Variants in KIAA0753 observed in about 807,000 individuals in gnomAD.
KIAA0753 encodes KIAA0753.
Under a neutral mutation model 116.9 loss-of-function variants are expected in KIAA0753, and 114 were observed. The observed-to-expected ratio is 0.98, with a 90% CI of 0.84 to 1.14. KIAA0753 has a LOEUF of 1.14. Among genes scored for constraint, KIAA0753 ranks in the 50% most tolerant of loss-of-function variants. The pLI is 0.00. For synonymous variants in KIAA0753, 405 were observed against 413.1 expected (o/e 0.98, Z 0.24); for missense variants, 1,156 against 1,172.4 (o/e 0.99, Z 0.20).
At chr17:6,624,444 A>T (rs1567580736) in intron 4 of KIAA0753, among the ~76,000 whole-genome samples, 1 of 151,964 alleles carries the variant, frequency 6.6e-6, no homozygotes, top group Non-Finnish European at 1.5e-5. Context: ...TATAATGTAT[A>T]AGCATCTTGG....
chr17:6,586,137 C>T (rs113700510), intron 18 of KIAA0753, among the ~76,000 whole-genome samples: 3,262 of 152,172 alleles, frequency 0.021, 109 homozygotes, highest in African/African-American at 0.073. Context: ...CCACCCCTTG[C>T]TTGCTCCTTC....
chr17:6,611,455 C>T (rs1970539739), intron 8 of KIAA0753, among the ~76,000 whole-genome samples: 1 of 152,002 alleles, frequency 6.6e-6, no homozygotes, highest in African/African-American at 2.4e-5. Flanking sequence ...CATGAGTTAC[C>T]ACATCTGGCT....
intron 3 of KIAA0753, among the ~76,000 whole-genome samples, chr17:6,625,644 G>A (rs180680917): frequency 1.3e-5 from 2 of 151,334 alleles, no homozygotes; most frequent in African/African-American, 4.9e-5. Flanking sequence ...TCCAGCCTGG[G>A]TGACAAAATG....
At position 6,599,280 on chromosome 17, in the gene KIAA0753, T is replaced by G. The variant is rs1178753904; in HGVS notation, c.2129A>C (p.Asp710Ala). Residue 710 changes from aspartate (D) to alanine (A), a missense_variant, in exon 14 of 19, where the codon GAT (aspartate) becomes GCT (alanine). Transcript: ENST00000361413. ...TTTCGCTGTGTTTACTGACGAGCCA[T>G]CTTTCAAATGAATATTTGCTTCTGT... The part of the protein sequence containing the change: ...STTEANIHLK[D>A]GSSVNTAKAQ... 14 of 1,613,896 alleles carry G rather than the reference T, an allele frequency of 8.7e-6. No homozygotes were observed. The highest frequency in any genetic ancestry group is 1.2e-5 in the Non-Finnish European group (14 of 1,179,790).
intron 4 of KIAA0753, chr17:6,624,045 C>T (rs959663888): frequency 6.6e-6 from 1 of 152,610 alleles, no homozygotes; most frequent in Non-Finnish European, 1.5e-5. Flanking sequence ...CAAAACCTAA[C>T]TCAGGCATTT....
Position 6,620,790 on chromosome 17 carries a change from G to C in KIAA0753, c.1313C>G (p.Ala438Gly), listed in dbSNP as rs1971264519. 1 of 1,613,780 alleles carries C rather than the reference G, an allele frequency of 6.2e-7. No homozygotes were observed. The highest frequency in any genetic ancestry group is 8.5e-7 in the Non-Finnish European group (1 of 1,179,712). Residue 438 changes from alanine to glycine, a missense_variant and splice_region_variant, in exon 7 of 19, where the codon GCC becomes GGC. Physicochemically the swap from Ala to Gly is moderately conservative, Grantham distance 60. Coordinates refer to ENST00000361413, the MANE Select transcript of KIAA0753 (RefSeq NM_014804.3). Reference sequence around the variant, plus strand: ...AATAAACACTTTAAGACACATACCGGCAAGAAGCTGCTTTGCTACAGAAGG... The same window carrying C: ...AATAAACACTTTAAGACACATACCGCCAAGAAGCTGCTTTGCTACAGAAGG... The part of the protein sequence containing the change: ...SRPSVAKQLL[A>G]DKYQPDTELP...
Position 6,589,763 on chromosome 17 carries a change from G to A in KIAA0753, c.2786+16C>T, listed in dbSNP as rs769301435. 10 of 1,580,494 alleles carry A rather than the reference G, an allele frequency of 6.3e-6. No individual in the cohort carries two copies. The highest frequency in any genetic ancestry group is 2.3e-5 in the South Asian group (2 of 86,300). On this transcript the variant is annotated intron_variant, in intron 18 of 18. Transcript: ENST00000361413. ...CAATTTGGTTCCTAAACAGAGGACC[G>A]TAACATTTTACTGACCTTTCAGCTA... is the stretch of plus-strand genomic sequence containing the variant.
At position 6,639,836 on chromosome 17, in the gene KIAA0753, G is replaced by A. The variant is rs1014119349; in HGVS notation, c.-69+801C>T. ...AGGTGCAGAATGCTCTCATGGCCCA[G>A]AGATCCCGGGCGACCTTTTCTCTCG... is the stretch of plus-strand genomic sequence containing the variant. On this transcript the variant is annotated intron_variant, in intron 1 of 18. Transcript: ENST00000361413. The surrounding 1 kb of genome is among the most constrained non-coding windows in gnomAD (Gnocchi z 4.3). 2 of 152,890 alleles carry A rather than the reference G, an allele frequency of 1.3e-5. No individual in the cohort carries two copies. Among genetic ancestry groups the A allele is most frequent in the African/African-American group, 2.4e-5 (1 of 41,438 alleles). 9.5% of individuals were successfully genotyped at this position (152,890 alleles called of 1,614,324 possible). A position where few individuals can be genotyped will look rare whatever the true frequency, so the allele number is the denominator to read the frequency against.
At chr17:6,636,470 C>T (rs758249455) in intron 1 of KIAA0753, 4 of 152,184 alleles carry the variant, frequency 2.6e-5, no homozygotes, top group Non-Finnish European at 5.9e-5. Context: ...TAGGTGATCC[C>T]CACAGTTCCA....
chr17:6,601,975 A>G (rs1403661034), intron 12 of KIAA0753, among the ~76,000 whole-genome samples: 1 of 152,242 alleles, frequency 6.6e-6, no homozygotes, highest in Non-Finnish European at 1.5e-5. Context: ...AAATTCTAAT[A>G]GGCAAAAGAC....
rs2072149 is a variant in KIAA0753 at position 6,628,328 on chromosome 17, A to C, written c.507T>G (p.Ser169=). The change falls in exon 3 of 19, where the codon TCT becomes TCG. Residue 169 remains serine, a synonymous_variant. Transcript: ENST00000361413. ...HQPSKVEISS[S]GAKVYLYSSH... ...ATGAGTAAAGGTATACTTTGGCACC[A>C]GAGCTGGAGATTTCTACTTTGGATG... 2.5e-6 allele frequency: 4 copies of C among 1,613,806 alleles called. No homozygotes were observed. The African/African-American group carries it at 4.0e-5, about 16-fold the overall frequency.
intron 4 of KIAA0753, 59 bp downstream of exon 4, chr17:6,624,696 C>G: frequency 9.1e-7 from 1 of 1,096,286 alleles, no homozygotes; most frequent in South Asian, 1.3e-5. Context: ...AAAACAGAAA[C>G]TCTCTAAGGA....
At chr17:6,588,802 T>C (rs1258738964) in intron 18 of KIAA0753, among the ~76,000 whole-genome samples, 2 of 152,096 alleles carry the variant, frequency 1.3e-5, no homozygotes, top group Non-Finnish European at 2.9e-5. Context: ...TAATTATTTG[T>C]ACATAAAAAA....
chr17:6,596,276 C>T lies in KIAA0753; in HGVS notation c.2240G>A (p.Ser747Asn). Residue 747 changes from serine to asparagine, a missense_variant, in exon 15 of 19, where the codon AGT becomes AAT. Transcript: ENST00000361413. ...AGCATGAGTCACAGCCCAGAGCTCACTGGCACAATCTTCCAAAAAATCATC... is the reference window on the plus strand; with the variant it reads ...AGCATGAGTCACAGCCCAGAGCTCATTGGCACAATCTTCCAAAAAATCATC... ...QLDDFLEDCA[S>N]ELWAVTHAKI... is the part of the protein sequence containing the mutation. 2 of 1,613,026 alleles carry T rather than the reference C, an allele frequency of 1.2e-6. No individual in the cohort carries two copies. The highest frequency in any genetic ancestry group is 8.5e-7 in the Non-Finnish European group (1 of 1,179,636).
intron 18 of KIAA0753, among the ~76,000 whole-genome samples, chr17:6,587,077 C>T (rs1251581726): frequency 6.6e-6 from 1 of 151,908 alleles, no homozygotes; most frequent in Non-Finnish European, 1.5e-5. Context: ...ACTAAAAACA[C>T]AAAAATTAGC....
Position 6,589,950 on chromosome 17 carries a change from G to C in KIAA0753, c.2615C>G (p.Pro872Arg). The change falls in exon 18 of 19, where the codon CCT becomes CGT. Residue 872 changes from proline to arginine, a missense_variant. Physicochemically the swap from Pro to Arg is moderately radical, Grantham distance 103 (BLOSUM62 -2). Transcript: ENST00000361413. ...TEEGSEKREA[P>R]LLSLAEDSQQ... ...AGAATCTTCGGCTAGGGAGAGAAGA[G>C]GGGCCTCTCTTTTCTCTGATCCTTC... 1 of 1,605,484 alleles carries C rather than the reference G, an allele frequency of 6.2e-7. No homozygotes were observed. The highest frequency in any genetic ancestry group is 8.5e-7 in the Non-Finnish European group (1 of 1,177,378).
At position 6,623,509 on chromosome 17, in the gene KIAA0753, C is replaced by A. The variant is rs2150890234; in HGVS notation, c.888G>T (p.Lys296Asn). 1.3e-6 allele frequency: 2 copies of A among 1,596,408 alleles called. No homozygotes were observed. Among genetic ancestry groups the A allele is most frequent in the East Asian group, 2.2e-5 (1 of 44,756 alleles). ...TGATCATAATTTAATTGCAGCATAC[C>A]TTCTTAGTGTGTTTAATTTTATGTG... is the stretch of plus-strand genomic sequence containing the variant. Reference protein sequence around the residue: ...LSPHKIKHTKKSWAMSKLAAA... With the variant: ...LSPHKIKHTKNSWAMSKLAAA... Residue 296 changes from lysine to asparagine, a missense_variant and splice_region_variant, in exon 5 of 19, where the codon AAG (lysine) becomes AAT (asparagine). Physicochemically the swap from Lys to Asn is moderately conservative, Grantham distance 94. Coordinates refer to ENST00000361413, the MANE Select transcript of KIAA0753 (RefSeq NM_014804.3).
intron 9 of KIAA0753, among the ~76,000 whole-genome samples, chr17:6,609,695 G>C (rs1457717226): frequency 3.3e-5 from 5 of 152,172 alleles, no homozygotes; most frequent in Non-Finnish European, 7.4e-5. Context: ...CAAGTTACTA[G>C]AATCTATTGG....
chr17:6,618,237 TATA>T (rs1971066297), intron 7 of KIAA0753, among the ~76,000 whole-genome samples: 1 of 152,140 alleles, frequency 6.6e-6, no homozygotes, highest in Non-Finnish European at 1.5e-5. Context: ...TTCCACATAT[TATA>T]ATTTGTCCTA....
Sources: allele counts gnomAD v4.1 joint callset (sites outside exome capture counted in the v4.1 genomes callset), GRCh38; gene constraint gnomAD v4.1.1; non-coding constraint Gnocchi (gnomAD v3.1); transcripts MANE v1.5; gene names NCBI Gene and HGNC (gene_info 2026-07-23, HGNC 2026-07-21).